Variants in KALRN observed in about 807,000 individuals in gnomAD.
KALRN encodes kalirin RhoGEF kinase, also known as kalirin.
A neutral mutation model predicts 353.7 loss-of-function variants in KALRN; 70 were observed. The observed-to-expected ratio is 0.20, with a 90% CI of 0.16 to 0.24. The LOEUF (loss-of-function observed/expected upper bound fraction) is 0.24. Among genes scored for constraint, KALRN ranks in the 10% least tolerant of loss-of-function variants. KALRN has a pLI of 1.00. For missense variants in KALRN, 2,791 were observed against 3,756.7 expected, an observed-to-expected ratio of 0.74 and a Z score of 6.72; for synonymous variants, 1,391 against 1,434.8, an observed-to-expected ratio of 0.97 and a Z score of 0.69.
chr3:124,420,367 T>C (rs979076531), intron 14 of KALRN, among the ~76,000 whole-genome samples: 9 of 152,212 alleles, frequency 5.9e-5, no homozygotes, highest in Admixed American at 2.0e-4. Flanking sequence ...AGAATGAATA[T>C]GAGCTACAAC....
intron 34 of KALRN, among the ~76,000 whole-genome samples, chr3:124,595,320 T>A (rs2076172785): frequency 6.6e-6 from 1 of 152,210 alleles, no homozygotes; most frequent in Admixed American, 6.5e-5. Context: ...AGACAGGGAT[T>A]GTTAAATAGT....
At chr3:124,188,895 T>C (rs1171899734) in intron 1 of KALRN, among the ~76,000 whole-genome samples, 1 of 152,148 alleles carries the variant, frequency 6.6e-6, no homozygotes, top group African/African-American at 2.4e-5. Context: ...GGGGCCCAGG[T>C]AGATGCTGCG....
chr3:124,356,789 C>A (rs1029982056), intron 10 of KALRN, among the ~76,000 whole-genome samples: 1 of 152,116 alleles, frequency 6.6e-6, no homozygotes, highest in African/African-American at 2.4e-5. Flanking sequence ...TTTCCCTTTT[C>A]CCCAGGATTT....
At chr3:124,230,817 AAAAAAC>A (rs1314779680) in intron 2 of KALRN, among the ~76,000 whole-genome samples, 1 of 150,506 alleles carries the variant, frequency 6.6e-6, no homozygotes, top group African/African-American at 2.5e-5. Flanking sequence ...TTAAAAAAGC[AAAAAAC>A]AAAAACAAAA....
chr3:124,593,643 C>CTCCCTGTG lies in KALRN; in HGVS notation c.5182+30561_5182+30568dup, dbSNP rs545792109. On this transcript the variant is annotated intron_variant, in intron 34 of 59. Transcript: ENST00000682506. Reference sequence around the variant, plus strand: ...CAGCAAAACATTCCATAATGGAAGGCTCCCTGTGTCCCTGGGGAATTCTTG... The same window carrying CTCCCTGTG: ...CAGCAAAACATTCCATAATGGAAGGCTCCCTGTGTCCCTGTGTCCCTGGGGAATTCTTG... 2.6e-5 allele frequency among the ~76,000 whole-genome samples: 4 copies of CTCCCTGTG among 152,298 alleles called. No individual in the cohort carries two copies. In the South Asian group the frequency reaches 8.3e-4, roughly 32 times the overall value.
chr3:124,054,179 A>G (rs771493303), intron 1 of KALRN, among the ~76,000 whole-genome samples: 3 of 152,064 alleles, frequency 2.0e-5, no homozygotes, highest in Non-Finnish European at 4.4e-5. Flanking sequence ...TTTCAGCATC[A>G]GCTGCAGTAC....
chr3:124,160,235 C>T (rs908579305), intron 1 of KALRN, among the ~76,000 whole-genome samples: 15 of 151,550 alleles, frequency 9.9e-5, no homozygotes, highest in African/African-American at 3.4e-4. Flanking sequence ...TCTTCCATGC[C>T]GGCCTGGATG....
chr3:124,108,693 T>G (rs987279039), intron 1 of KALRN, among the ~76,000 whole-genome samples: 1 of 151,788 alleles, frequency 6.6e-6, no homozygotes, highest in Non-Finnish European at 1.5e-5. Flanking sequence ...TGAGTGACTA[T>G]GATGATCACA....
At chr3:124,664,370 T>TGCGCGCGCGCGCGC (rs1553719790) in intron 45 of KALRN, among the ~76,000 whole-genome samples, 1 of 129,534 alleles carries the variant, frequency 7.7e-6, no homozygotes, top group Non-Finnish European at 1.7e-5. Flanking sequence ...TGTGTGTGTG[T>TGCGCGCGCGCGCGC]GCGCGCGCGC....
At chr3:124,143,321 G>A (rs754496100) in intron 1 of KALRN, among the ~76,000 whole-genome samples, 14 of 152,182 alleles carry the variant, frequency 9.2e-5, no homozygotes, top group Non-Finnish European at 1.8e-4. Context: ...CTGGAAACTG[G>A]TGGTTCAGGC....
chr3:124,231,688 G>A (rs909876310), intron 2 of KALRN, among the ~76,000 whole-genome samples: 1 of 151,406 alleles, frequency 6.6e-6, no homozygotes, highest in South Asian at 2.1e-4. Flanking sequence ...AAGGCTCTGG[G>A]AAGTCCTGCA....
At chr3:124,237,466 G>T (rs2079926423) in intron 3 of KALRN, among the ~76,000 whole-genome samples, 1 of 151,800 alleles carries the variant, frequency 6.6e-6, no homozygotes, top group South Asian at 2.1e-4. Context: ...AGGTTCAAGT[G>T]ATTCTTGTGC....
chr3:124,408,793 G>A (rs2091868808), intron 13 of KALRN, among the ~76,000 whole-genome samples: 1 of 152,150 alleles, frequency 6.6e-6, no homozygotes, highest in Non-Finnish European at 1.5e-5. Context: ...AGGGACTATA[G>A]CTTTCTCTAC....
intron 33 of KALRN, among the ~76,000 whole-genome samples, chr3:124,541,693 G>A (rs1347760881): frequency 2.7e-5 from 4 of 150,798 alleles, no homozygotes; most frequent in Non-Finnish European, 4.4e-5. Context: ...GATCAACCTG[G>A]CCAACGTGGT....
At chr3:124,602,940 G>GTTT (rs577959368) in intron 34 of KALRN, among the ~76,000 whole-genome samples, 175 of 35,688 alleles carry the variant, frequency 4.9e-3, no homozygotes, top group African/African-American at 0.011. Flanking sequence ...AGTTTTCGTG[G>GTTT]TTTTTTTTTT....
chr3:124,413,472 G>A lies in KALRN; in HGVS notation c.2349G>A (p.Val783=), dbSNP rs772353835. 9 of 1,613,714 alleles carry A rather than the reference G, an allele frequency of 5.6e-6. No homozygotes were observed. Among genetic ancestry groups the A allele is most frequent in the East Asian group, 2.2e-5 (1 of 44,872 alleles). Residue 783 remains valine (V), a splice_region_variant and synonymous_variant, in exon 14 of 60, where the codon GTG becomes GTA. Transcript: ENST00000682506. ...LRIFEQYTIE[V]TAELDAWNED... ...TGATGACAGTGGTTCCCTCACAGGT[G>A]ACAGCAGAGCTAGACGCCTGGAATG...
chr3:124,600,877 C>G (rs2076729312), intron 34 of KALRN, among the ~76,000 whole-genome samples: 1 of 152,192 alleles, frequency 6.6e-6, no homozygotes, highest in Non-Finnish European at 1.5e-5. Context: ...GCTTCTGAAG[C>G]TGGGGTTCTA....
intron 37 of KALRN, among the ~76,000 whole-genome samples, chr3:124,648,579 C>A (rs183578934): frequency 9.9e-5 from 15 of 152,222 alleles, no homozygotes; most frequent in Non-Finnish European, 1.9e-4. Context: ...AGGGATGGAA[C>A]TGTGAATGAA....
At chr3:124,314,438 A>G (rs1319295242) in intron 6 of KALRN, among the ~76,000 whole-genome samples, 1 of 152,088 alleles carries the variant, frequency 6.6e-6, no homozygotes, top group Admixed American at 6.6e-5. Context: ...AACATGGAAC[A>G]TGTATACATA....
Sources: gnomAD v4.1 joint callset for allele counts (sites outside exome capture counted in the v4.1 genomes callset) on GRCh38, gnomAD v4.1.1 for gene constraint, MANE v1.5 for transcripts, NCBI Gene and HGNC (gene_info 2026-07-23, HGNC 2026-07-21) for gene names.